The following CERT1 variants were observed in gnomAD, a reference collection of about 807,000 sequenced individuals.
CERT1 encodes the protein ceramide transporter 1.
Under a neutral mutation model 87.9 loss-of-function variants are expected in CERT1, and 31 were observed. The observed-to-expected ratio is 0.35, with a 90% CI of 0.27 to 0.48. CERT1 has a LOEUF of 0.48. Among genes scored for constraint, CERT1 ranks in the 20% least tolerant of loss-of-function variants. The probability of loss-of-function intolerance (pLI) is 0.99; values close to 1 mark genes in which losing one functional copy is unlikely to be tolerated. For missense variants in CERT1, 487 were observed against 758.0 expected (o/e 0.64, Z 4.20); for synonymous variants, 289 against 250.9 (o/e 1.15, Z -1.44).
chr5:75,447,894 C>T (rs1421322929), intron 3 of CERT1, among the ~76,000 whole-genome samples: 2 of 152,170 alleles, frequency 1.3e-5, no homozygotes, highest in Non-Finnish European at 2.9e-5. Flanking sequence ...CCTGACTCAG[C>T]CTCCCCAGTA....
At position 75,436,263 on chromosome 5, in the gene CERT1, G is replaced by A. The variant is rs528825035; in HGVS notation, c.349-9785C>T. Among the ~76,000 whole-genome samples the A allele has an allele frequency of 9.4e-4, 143 of 152,242 alleles. 1 individual carries two copies. The highest frequency in any genetic ancestry group is 1.7e-3 in the Non-Finnish European group (113 of 68,028). ...TTAGCCAGGATGGTCTCGATCTCCT[G>A]ACCTCATGATCTGCCCGCCTCGGCC... On this transcript the variant is annotated intron_variant, in intron 3 of 16. Coordinates refer to ENST00000643780, the MANE Select transcript of CERT1 (RefSeq NM_001379029.1).
intron 5 of CERT1, among the ~76,000 whole-genome samples, chr5:75,419,877 C>T (rs926037767): frequency 3.3e-5 from 5 of 152,130 alleles, no homozygotes; most frequent in African/African-American, 1.2e-4. Flanking sequence ...TGCTCCCTTC[C>T]GTGGGGCCAT....
At position 75,381,869 on chromosome 5, in the gene CERT1, CTG is replaced by C. The variant is rs1761600258; in HGVS notation, c.1617+78_1617+79del. 3 of 1,262,596 alleles carry C rather than the reference CTG, an allele frequency of 2.4e-6. No individual in the cohort carries two copies. The Admixed American group carries it at 6.0e-5, about 25-fold the overall frequency. The allele number at this position is 1,262,596 out of a possible 1,614,324, so 78.2% of individuals were successfully genotyped here. On this transcript the variant is annotated intron_variant, in intron 15 of 16. Transcript: ENST00000643780. Reference sequence around the variant, plus strand: ...TATCAAATCAAGTATAGTGTATGGGCTGTGTTTATCATTTTTGTCCCGCATTG... The same window carrying C: ...TATCAAATCAAGTATAGTGTATGGGCTGTTTATCATTTTTGTCCCGCATTG...
At chr5:75,439,299 T>C (rs1023729418) in intron 3 of CERT1, among the ~76,000 whole-genome samples, 4 of 151,986 alleles carry the variant, frequency 2.6e-5, no homozygotes, top group Admixed American at 6.6e-5. Context: ...TACATTATCA[T>C]TCTGAACAGT....
Position 75,384,699 on chromosome 5 carries a change from G to A in CERT1, c.1431C>T (p.Asn477=). The A allele has an allele frequency of 6.3e-7, 1 of 1,585,172 alleles. No individual in the cohort carries two copies. The highest frequency in any genetic ancestry group is 8.7e-7 in the Non-Finnish European group (1 of 1,154,490). The change falls in exon 14 of 17, where the codon AAC becomes AAT. Residue 477 remains asparagine, a synonymous_variant. Coordinates refer to ENST00000643780, the MANE Select transcript of CERT1 (RefSeq NM_001379029.1). ...VRNDWETTIE[N]FHVVETLADN... The stretch of plus-strand genomic sequence containing the variant: ...CAGCTAATGTTTCCACCACATGAAA[G>A]TTTTCTATAGTTGCTGAAATGAAGA...
chr5:75,432,970 C>T (rs2112214961), intron 3 of CERT1, among the ~76,000 whole-genome samples: 1 of 152,282 alleles, frequency 6.6e-6, no homozygotes, highest in South Asian at 2.1e-4. Flanking sequence ...TTCCCTATTG[C>T]TTATTTTTGT....
chr5:75,440,576 A>G (rs1764281073), intron 3 of CERT1, among the ~76,000 whole-genome samples: 1 of 152,150 alleles, frequency 6.6e-6, no homozygotes, highest in Non-Finnish European at 1.5e-5. Context: ...AACATGCGAT[A>G]AACTTTCCTT....
At chr5:75,506,139 A>G (rs759075684) in intron 1 of CERT1, 23 bp from the exon 2 acceptor site, 17 of 1,602,944 alleles carry the variant, frequency 1.1e-5, no homozygotes, top group Non-Finnish European at 1.4e-5. Flanking sequence ...AGGGGAAGGG[A>G]AGAGAGAAGA....
At chr5:75,392,834 G>A (rs1186592439) in intron 11 of CERT1, among the ~76,000 whole-genome samples, 1 of 151,516 alleles carries the variant, frequency 6.6e-6, no homozygotes, top group Non-Finnish European at 1.5e-5. Flanking sequence ...GCCGGGCGTG[G>A]TGGTGGGTGC....
chr5:75,419,517 T>A, intron 5 of CERT1, 93 bp from the exon 6 acceptor site: 3 of 820,822 alleles, frequency 3.7e-6, no homozygotes, highest in Non-Finnish European at 6.0e-6. Context: ...CTCTGGATTC[T>A]GATTCTGAGT....
At chr5:75,394,351 A>G (rs1762161134) in intron 11 of CERT1, among the ~76,000 whole-genome samples, 1 of 152,030 alleles carries the variant, frequency 6.6e-6, no homozygotes, top group East Asian at 1.9e-4. Flanking sequence ...TCTACAAAAA[A>G]TAAAAAATTG....
intron 2 of CERT1, among the ~76,000 whole-genome samples, chr5:75,478,271 G>C (rs1197729408): frequency 1.3e-5 from 2 of 151,654 alleles, no homozygotes; most frequent in Non-Finnish European, 2.9e-5. Context: ...CCAAGATCCT[G>C]CTGCTGCATT....
intron 9 of CERT1, chr5:75,401,795 C>A (rs919734537): frequency 2.6e-5 from 4 of 152,170 alleles, no homozygotes. Context: ...AGCATAATAG[C>A]CATGACTGTC....
At position 75,379,361 on chromosome 5, in the gene CERT1, C is replaced by T; in HGVS notation, c.1860G>A (p.Lys620=). The T allele has an allele frequency of 1.2e-6, 2 of 1,613,256 alleles. No individual in the cohort carries two copies. The highest frequency in any genetic ancestry group is 1.7e-6 in the Non-Finnish European group (2 of 1,179,424). The change falls in exon 17 of 17, where the codon AAG becomes AAA. Residue 620 remains lysine, a synonymous_variant. Transcript: ENST00000643780. ...CCTGTTAATACTAGAACAAAATAGG[C>T]TTTCCTGCAGTTTTTTCTTGGACGT... is the stretch of plus-strand genomic sequence containing the variant. ...TSYVQEKTAG[K]PILF
At chr5:75,417,109 T>G in intron 6 of CERT1, 76 bp from the exon 7 acceptor site, 1 of 1,193,814 alleles carries the variant, frequency 8.4e-7, no homozygotes, top group Non-Finnish European at 1.2e-6. Context: ...TAGAAAATGT[T>G]TAGAAAATTA....
At chr5:75,441,404 G>A (rs548143906) in intron 3 of CERT1, among the ~76,000 whole-genome samples, 3 of 152,268 alleles carry the variant, frequency 2.0e-5, no homozygotes, top group South Asian at 2.1e-4. Context: ...TGTTAAGAAC[G>A]TGGGTATTTG....
At chr5:75,439,928 G>T (rs1022192906) in intron 3 of CERT1, among the ~76,000 whole-genome samples, 5 of 152,012 alleles carry the variant, frequency 3.3e-5, no homozygotes, top group Non-Finnish European at 4.4e-5. Flanking sequence ...CCCCACTAGA[G>T]AAGTTATAGT....
chr5:75,407,000 C>CGT (rs879684595), intron 8 of CERT1, among the ~76,000 whole-genome samples: 2,520 of 151,924 alleles, frequency 0.017, 74 homozygotes, highest in African/African-American at 0.057. Flanking sequence ...TGTCTAAAAC[C>CGT]CATACGACTA....
At chr5:75,384,159 T>A (rs554226658) in intron 14 of CERT1, among the ~76,000 whole-genome samples, 90 of 152,324 alleles carry the variant, frequency 5.9e-4, no homozygotes, top group African/African-American at 2.1e-3. Context: ...TAACTATCAT[T>A]TACCTCTTAT....
Sources: allele counts gnomAD v4.1 joint callset (sites outside exome capture counted in the v4.1 genomes callset), GRCh38; gene constraint gnomAD v4.1.1; transcripts MANE v1.5; gene names NCBI Gene and HGNC (gene_info 2026-07-23, HGNC 2026-07-21).